Variants in LRRC4C observed in about 807,000 individuals in gnomAD.
LRRC4C encodes leucine rich repeat containing 4C.
In LRRC4C, 5 loss-of-function variants were observed where a neutral mutation model predicts 33.6. The observed-to-expected ratio is 0.15, with a 90% confidence interval of 0.08 to 0.31. LRRC4C has a LOEUF of 0.31. Among genes scored for constraint, LRRC4C ranks in the 10% least tolerant of loss-of-function variants. The pLI is 1.00. For synonymous variants in LRRC4C, 329 were observed against 302.0 expected (o/e 1.09, Z -0.93); for missense variants, 560 against 796.7 (o/e 0.70, Z 3.58).
chr11:40,478,841 T>C (rs1953389556), intron 3 of LRRC4C, among the ~76,000 whole-genome samples: 1 of 152,208 alleles, frequency 6.6e-6, no homozygotes, highest in Admixed American at 6.5e-5. Flanking sequence ...GAAGTGACAG[T>C]ATTGAAGAAA....
intron 3 of LRRC4C, among the ~76,000 whole-genome samples, chr11:40,416,354 C>T (rs1480144803): frequency 6.6e-6 from 1 of 151,918 alleles, no homozygotes. Flanking sequence ...GATGAGAAAG[C>T]AGTAGGGGAT....
At chr11:41,217,058 C>A (rs917025696) in intron 1 of LRRC4C, among the ~76,000 whole-genome samples, 8 of 151,912 alleles carry the variant, frequency 5.3e-5, no homozygotes, top group Admixed American at 4.6e-4. Flanking sequence ...ACTACAACAT[C>A]CCTATTTTTC....
intron 1 of LRRC4C, among the ~76,000 whole-genome samples, chr11:41,444,018 G>T (rs1418117260): frequency 1.3e-5 from 2 of 152,154 alleles, no homozygotes; most frequent in Non-Finnish European, 2.9e-5. Context: ...AGAGCTAAGA[G>T]TAGCCTCAGA....
chr11:40,934,272 T>G (rs560086502), intron 1 of LRRC4C, among the ~76,000 whole-genome samples: 1 of 152,294 alleles, frequency 6.6e-6, no homozygotes, highest in Non-Finnish European at 1.5e-5. Context: ...CAATCAAAAC[T>G]AATCTCTACC....
At chr11:41,040,026 T>C (rs1014783787) in intron 1 of LRRC4C, among the ~76,000 whole-genome samples, 9 of 150,874 alleles carry the variant, frequency 6.0e-5, no homozygotes, top group African/African-American at 2.2e-4. Flanking sequence ...TAGTCACAGC[T>C]ACTCGGGAGG....
rs927159623 is a variant in LRRC4C, at chr11:40,591,485, G to A, written c.-270+56657C>T. 3.2e-4 allele frequency among the ~76,000 whole-genome samples: 48 copies of A among 152,096 alleles called. 1 individual carries two copies. Among genetic ancestry groups the A allele is most frequent in the Admixed American group, 2.8e-3 (43 of 15,272 alleles). Reference sequence around the variant, plus strand: ...CTGTAGACCGGAGCTGTTCCTATTCGGCCATCTTGGCTCCTCTGAATTTGT... The same window carrying A: ...CTGTAGACCGGAGCTGTTCCTATTCAGCCATCTTGGCTCCTCTGAATTTGT... On this transcript the variant is annotated intron_variant, in intron 3 of 6. Transcript: ENST00000528697.
chr11:40,730,974 G>A (rs938767497), intron 2 of LRRC4C, among the ~76,000 whole-genome samples: 1 of 152,164 alleles, frequency 6.6e-6, no homozygotes, highest in South Asian at 2.1e-4. Flanking sequence ...AAATCTCATG[G>A]TGTGATCCAC....
chr11:40,782,284 T>C (rs1950239625), intron 2 of LRRC4C, among the ~76,000 whole-genome samples: 1 of 152,152 alleles, frequency 6.6e-6, no homozygotes, highest in South Asian at 2.1e-4. Flanking sequence ...GTGGAAACAG[T>C]TACTACCCGT....
chr11:40,603,147 A>G (rs1050986658), intron 3 of LRRC4C, among the ~76,000 whole-genome samples: 1 of 152,190 alleles, frequency 6.6e-6, no homozygotes, highest in African/African-American at 2.4e-5. Context: ...AATTACTCAC[A>G]ATGCAGATAC....
chr11:40,550,167 CAATT>C (rs1455549542), intron 3 of LRRC4C, among the ~76,000 whole-genome samples: 4 of 152,098 alleles, frequency 2.6e-5, no homozygotes, highest in South Asian at 2.1e-4. Context: ...TATTCACTCT[CAATT>C]AGTTAATATG....
chr11:40,897,615 TA>T (rs374800167), intron 2 of LRRC4C, among the ~76,000 whole-genome samples: 1 of 152,308 alleles, frequency 6.6e-6, no homozygotes, highest in South Asian at 2.1e-4. Flanking sequence ...CCAAAATGAC[TA>T]AAAAATATTA....
chr11:40,926,214 C>T (rs971882350), intron 2 of LRRC4C, among the ~76,000 whole-genome samples: 1 of 152,142 alleles, frequency 6.6e-6, no homozygotes, highest in Admixed American at 6.5e-5. Context: ...CAGCAGGCAG[C>T]AATGCCTACT....
At chr11:40,508,410 A>G (rs1172250684) in intron 3 of LRRC4C, among the ~76,000 whole-genome samples, 1 of 152,182 alleles carries the variant, frequency 6.6e-6, no homozygotes, top group African/African-American at 2.4e-5. Flanking sequence ...TAAATAGAAC[A>G]TAGCATTTAT....
chr11:40,200,056 A>G (rs1425501704), intron 5 of LRRC4C, among the ~76,000 whole-genome samples: 1 of 151,606 alleles, frequency 6.6e-6, no homozygotes, highest in East Asian at 1.9e-4. Flanking sequence ...TAAAACTCTT[A>G]ATACAACTGG....
At chr11:40,618,721 C>T (rs1962129182) in intron 3 of LRRC4C, among the ~76,000 whole-genome samples, 1 of 151,726 alleles carries the variant, frequency 6.6e-6, no homozygotes, top group Admixed American at 6.6e-5. Context: ...ATTATTTCCT[C>T]CTAGTGCAGG....
intron 1 of LRRC4C, among the ~76,000 whole-genome samples, chr11:41,122,263 T>C (rs1942476916): frequency 6.6e-6 from 1 of 152,134 alleles, no homozygotes; most frequent in Non-Finnish European, 1.5e-5. Flanking sequence ...GGGTAAAACA[T>C]ACTTATTGAA....
chr11:40,320,346 A>G (rs940817370), intron 3 of LRRC4C, among the ~76,000 whole-genome samples: 1 of 152,048 alleles, frequency 6.6e-6, no homozygotes, highest in African/African-American at 2.4e-5. Flanking sequence ...TCCACTAAAA[A>G]TACAAAAAAT....
chr11:41,290,877 C>G (rs908614239), intron 1 of LRRC4C, among the ~76,000 whole-genome samples: 1 of 152,066 alleles, frequency 6.6e-6, no homozygotes, highest in South Asian at 2.1e-4. Flanking sequence ...ATGGAGAGAC[C>G]CTGACACTGA....
intron 1 of LRRC4C, among the ~76,000 whole-genome samples, chr11:40,960,981 A>G (rs992179176): frequency 1.3e-5 from 2 of 151,730 alleles, no homozygotes; most frequent in African/African-American, 4.8e-5. Flanking sequence ...GGTCTCTGAC[A>G]CATTTGAGAT....
Sources: allele counts gnomAD v4.1 joint callset (sites outside exome capture counted in the v4.1 genomes callset), GRCh38; gene constraint gnomAD v4.1.1; transcripts MANE v1.5; gene names NCBI Gene and HGNC (gene_info 2026-07-23, HGNC 2026-07-21).